Variants in CRY1 observed in about 807,000 individuals in gnomAD.
The protein encoded by CRY1 is cryptochrome-1.
A neutral mutation model predicts 76.0 loss-of-function variants in CRY1; 45 were observed. The observed-to-expected ratio is 0.59, with a 90% CI of 0.47 to 0.76. The LOEUF (loss-of-function observed/expected upper bound fraction) is 0.76, where lower values mean the gene tolerates loss of function less well. CRY1 is among the 30% of genes least tolerant of loss of function. The pLI is 0.00. For missense variants in CRY1, 587 were observed against 716.4 expected, an observed-to-expected ratio of 0.82 and a Z score of 2.06; for synonymous variants, 248 against 244.0, an observed-to-expected ratio of 1.02 and a Z score of -0.15.
In CRY1 at chr12:107,065,782, T is replaced by C. The variant is rs116981174; in HGVS notation, c.158+27022A>G. On this transcript the variant is annotated intron_variant, in intron 1 of 12. Coordinates refer to ENST00000008527, the MANE Select transcript of CRY1 (RefSeq NM_004075.5). ...TTGCCCAAAATGAGACACTTATTCC[T>C]AACATTTCATATTTTCATAAATGGA... Among the ~76,000 whole-genome samples the C allele has an allele frequency of 3.0e-3, 462 of 152,320 alleles. 3 individuals carry two copies. Among genetic ancestry groups the C allele is most frequent in the Non-Finnish European group, 4.9e-3 (335 of 68,026 alleles).
chr12:107,011,072 C>T (rs1217335016), intron 2 of CRY1, among the ~76,000 whole-genome samples: 1 of 152,150 alleles, frequency 6.6e-6, no homozygotes, highest in Non-Finnish European at 1.5e-5. Context: ...CCAGGCTGGG[C>T]GCAGTGGCTC....
At chr12:107,082,908 C>A (rs1238782241) in intron 1 of CRY1, among the ~76,000 whole-genome samples, 1 of 151,980 alleles carries the variant, frequency 6.6e-6, no homozygotes, top group East Asian at 1.9e-4. Flanking sequence ...AATCCAGGAG[C>A]TGGTTTTTTG....
In CRY1 at chr12:107,011,668, T is replaced by G. The variant is rs146590131; in HGVS notation, c.268-6420A>C. Among the ~76,000 whole-genome samples, 1,045 of 152,192 alleles carry G rather than the reference T, an allele frequency of 6.9e-3. 17 individuals carry two copies. Among genetic ancestry groups the G allele is most frequent in the African/African-American group, 0.024 (1,002 of 41,526 alleles). On this transcript the variant is annotated intron_variant, in intron 2 of 12. Transcript: ENST00000008527. Reference sequence around the variant, plus strand: ...AGGTGAGGAAGCTGCAGAAGGAAAGTTGGAAGCTAGCAGAGGTTGGTTCAT... The same window carrying G: ...AGGTGAGGAAGCTGCAGAAGGAAAGGTGGAAGCTAGCAGAGGTTGGTTCAT...
chr12:107,070,111 C>T (rs1256345496), intron 1 of CRY1, among the ~76,000 whole-genome samples: 1 of 152,116 alleles, frequency 6.6e-6, no homozygotes, highest in Non-Finnish European at 1.5e-5. Context: ...TAACCTATGT[C>T]CCAGCAATTC....
At chr12:107,063,812 G>A (rs1179271352) in intron 1 of CRY1, among the ~76,000 whole-genome samples, 1 of 152,038 alleles carries the variant, frequency 6.6e-6, no homozygotes, top group Non-Finnish European at 1.5e-5. Flanking sequence ...TGGCCAGGCT[G>A]GTCTCGAATC....
intron 1 of CRY1, among the ~76,000 whole-genome samples, chr12:107,025,948 T>C (rs986023648): frequency 2.6e-5 from 4 of 151,102 alleles, no homozygotes; most frequent in Non-Finnish European, 5.9e-5. Context: ...TTGGAATACC[T>C]TTCCCAATTC....
At position 107,012,548 on chromosome 12, in the gene CRY1, T is replaced by C. The variant is rs553219447; in HGVS notation, c.268-7300A>G. ...TGGAGATTTATTAGGGAGATTAACATTGTTTTCATTCCTACCAATGTAACA... is the reference window on the plus strand; with the variant it reads ...TGGAGATTTATTAGGGAGATTAACACTGTTTTCATTCCTACCAATGTAACA... On this transcript the variant is annotated intron_variant, in intron 2 of 12. Transcript: ENST00000008527. Among the ~76,000 whole-genome samples the C allele has an allele frequency of 4.6e-5, 7 of 152,356 alleles. No homozygotes were observed. The East Asian group carries it at 5.8e-4, about 13-fold the overall frequency.
chr12:107,019,415 T>C (rs1293111818), intron 2 of CRY1, among the ~76,000 whole-genome samples: 1 of 152,186 alleles, frequency 6.6e-6, no homozygotes, highest in Non-Finnish European at 1.5e-5. Context: ...ATAAGTACTA[T>C]ATGTATATGT....
intron 1 of CRY1, among the ~76,000 whole-genome samples, chr12:107,046,088 C>A (rs1952846055): frequency 6.6e-6 from 1 of 150,510 alleles, no homozygotes; most frequent in Non-Finnish European, 1.5e-5. Flanking sequence ...GATTGCACCA[C>A]TGCACTCCAG....
chr12:107,050,238 T>G (rs1168908895), intron 1 of CRY1: 1 of 151,836 alleles, frequency 6.6e-6, no homozygotes, highest in East Asian at 1.9e-4. Context: ...GAGGGAAGTT[T>G]GGAAGAAGGA....
intron 1 of CRY1, among the ~76,000 whole-genome samples, chr12:107,077,237 C>T (rs895524350): frequency 3.9e-5 from 6 of 152,136 alleles, no homozygotes; most frequent in African/African-American, 7.2e-5. Context: ...AGTTGTCTTT[C>T]CTTTGTGCTT....
At chr12:107,072,545 T>A (rs1953202417) in intron 1 of CRY1, among the ~76,000 whole-genome samples, 1 of 152,204 alleles carries the variant, frequency 6.6e-6, no homozygotes, top group African/African-American at 2.4e-5. Context: ...TCCTATGTTA[T>A]TTATACTGTT....
intron 10 of CRY1, among the ~76,000 whole-genome samples, chr12:106,994,569 T>TG (rs1220616170): frequency 6.6e-6 from 1 of 152,258 alleles, no homozygotes; most frequent in Non-Finnish European, 1.5e-5. Context: ...ATGATTAAAA[T>TG]AATTTCAAGA....
At chr12:107,015,155 C>T (rs1189711398) in intron 2 of CRY1, among the ~76,000 whole-genome samples, 2 of 152,172 alleles carry the variant, frequency 1.3e-5, no homozygotes, top group Admixed American at 6.5e-5. Context: ...GGATTACAGG[C>T]GTGAGCCACC....
At chr12:106,998,117 CA>C in intron 7 of CRY1, 51 bp from the exon 8 acceptor site, 2 of 1,596,660 alleles carry the variant, frequency 1.3e-6, no homozygotes, top group South Asian at 1.1e-5. Flanking sequence ...ATTCGCAAAG[CA>C]AGCATTTTCA....
intron 1 of CRY1, among the ~76,000 whole-genome samples, chr12:107,056,284 G>A (rs1320771835): frequency 6.6e-6 from 1 of 152,164 alleles, no homozygotes; most frequent in Non-Finnish European, 1.5e-5. Flanking sequence ...AGGTTGCCTT[G>A]GCACTCAGCA....
chr12:106,998,998 C>T lies in CRY1; in HGVS notation c.1137+553G>A, dbSNP rs1003912504. ...CGTAGGTTGCAGTGAGCTGAGATCA[C>T]GTCATTGCACCCCGGCCTGGGCTAC... is the stretch of plus-strand genomic sequence containing the variant. On this transcript the variant is annotated intron_variant, in intron 7 of 12. Transcript: ENST00000008527. 8.8e-5 allele frequency among the ~76,000 whole-genome samples: 13 copies of T among 147,248 alleles called. No homozygotes were observed. In the South Asian group the frequency reaches 1.3e-3, roughly 14 times the overall value.
intron 1 of CRY1, among the ~76,000 whole-genome samples, chr12:107,057,888 G>A (rs936391153): frequency 1.3e-5 from 2 of 151,336 alleles, no homozygotes; most frequent in Admixed American, 6.6e-5. Context: ...GTGAGACGCC[G>A]TCTCTCCAAA....
intron 3 of CRY1, among the ~76,000 whole-genome samples, chr12:107,002,674 A>G (rs771567621): frequency 5.3e-5 from 8 of 152,108 alleles, no homozygotes; most frequent in African/African-American, 1.9e-4. Flanking sequence ...TACATTCCTG[A>G]TATGGTTTGG....
Sources: allele counts gnomAD v4.1 joint callset (sites outside exome capture counted in the v4.1 genomes callset), GRCh38; gene constraint gnomAD v4.1.1; transcripts MANE v1.5; gene names NCBI Gene and HGNC (gene_info 2026-07-23, HGNC 2026-07-21).